RAB11FIP2: variants seen among roughly 807,000 people sequenced by gnomAD.
RAB11FIP2 encodes the protein rab11 family-interacting protein 2.
A neutral mutation model predicts 40.9 loss-of-function variants in RAB11FIP2; 16 were observed. The observed-to-expected ratio is 0.39, with a 90% CI of 0.26 to 0.59. RAB11FIP2 has a LOEUF of 0.59. Ranked by LOEUF, RAB11FIP2 falls within the 20% of genes least tolerant of loss-of-function variation. RAB11FIP2 has a pLI of 0.53. For missense variants in RAB11FIP2, 532 were observed against 606.2 expected, an observed-to-expected ratio of 0.88 and a Z score of 1.28; for synonymous variants, 228 against 213.7, an observed-to-expected ratio of 1.07 and a Z score of -0.58.
At chr10:118,013,962 T>C (rs1846185351) in intron 4 of RAB11FIP2, among the ~76,000 whole-genome samples, 1 of 152,130 alleles carries the variant, frequency 6.6e-6, no homozygotes, top group East Asian at 1.9e-4. Context: ...TTTTACTATC[T>C]GATCAAAGGC....
At chr10:118,034,141 C>T (rs866605518) in intron 3 of RAB11FIP2, 7 of 665,790 alleles carry the variant, frequency 1.1e-5, no homozygotes, top group Middle Eastern at 3.5e-4. Flanking sequence ...GACGATAATG[C>T]GGCTGTGTTC....
At chr10:118,016,219 T>C (rs1052542966) in intron 3 of RAB11FIP2, among the ~76,000 whole-genome samples, 1 of 152,198 alleles carries the variant, frequency 6.6e-6, no homozygotes, top group Non-Finnish European at 1.5e-5. Flanking sequence ...CCAGAAGTGA[T>C]TGTTCGCCTT....
intron 3 of RAB11FIP2, among the ~76,000 whole-genome samples, chr10:118,029,708 C>T (rs1846390351): frequency 6.6e-6 from 1 of 151,966 alleles, no homozygotes; most frequent in Admixed American, 6.6e-5. Context: ...CAGCAGGTAA[C>T]AGAATGAATC....
At chr10:118,016,250 G>A (rs1276446214) in intron 3 of RAB11FIP2, among the ~76,000 whole-genome samples, 2 of 152,194 alleles carry the variant, frequency 1.3e-5, no homozygotes, top group Non-Finnish European at 2.9e-5. Flanking sequence ...AACTCCTGAG[G>A]ATAAATTGAG....
intron 1 of RAB11FIP2, chr10:118,043,577 AG>A (rs1359826284): frequency 5.9e-5 from 9 of 152,198 alleles, no homozygotes; most frequent in African/African-American, 2.2e-4. Flanking sequence ...TAAGAAAATA[AG>A]TAAAGTAATA....
chr10:118,041,024 C>T (rs1846551600), intron 1 of RAB11FIP2, among the ~76,000 whole-genome samples: 2 of 151,796 alleles, frequency 1.3e-5, no homozygotes, highest in African/African-American at 4.8e-5. Context: ...CATTTTAATA[C>T]AATAATAAAT....
chr10:118,024,209 T>C (rs941797587), intron 3 of RAB11FIP2, among the ~76,000 whole-genome samples: 1 of 152,060 alleles, frequency 6.6e-6, no homozygotes, highest in African/African-American at 2.4e-5. Context: ...AAAACTAAGC[T>C]TCTCACCCTT....
rs184362892 is a variant in RAB11FIP2 at position 118,021,093 on chromosome 10, C to G, written c.1266-5983G>C. On this transcript the variant is annotated intron_variant, in intron 3 of 4. Coordinates refer to ENST00000355624, the MANE Select transcript of RAB11FIP2 (RefSeq NM_014904.3). Reference sequence around the variant, plus strand: ...CACCCTGCCTACACATACACACACACACAAACTCCTGGCCTTCATTTAACA... The same window carrying G: ...CACCCTGCCTACACATACACACACAGACAAACTCCTGGCCTTCATTTAACA... Among the ~76,000 whole-genome samples, 75 of 152,248 alleles carry G rather than the reference C, an allele frequency of 4.9e-4. 1 individual carries two copies. Among genetic ancestry groups the G allele is most frequent in the Admixed American group, 1.8e-3 (28 of 15,296 alleles).
chr10:118,044,238 C>A (rs573048599), intron 1 of RAB11FIP2, among the ~76,000 whole-genome samples: 9 of 152,238 alleles, frequency 5.9e-5, no homozygotes, highest in Non-Finnish European at 1.2e-4. Context: ...CCTACTTTCA[C>A]TAGGAAAATT....
At chr10:118,035,397 T>C (rs933923219) in intron 3 of RAB11FIP2, among the ~76,000 whole-genome samples, 4 of 152,156 alleles carry the variant, frequency 2.6e-5, no homozygotes, top group African/African-American at 9.7e-5. Flanking sequence ...TTTTTAACAA[T>C]GTTTAGTTGT....
In RAB11FIP2 at chr10:118,008,522, T is replaced by C. The variant is rs1846120793; in HGVS notation, c.*476A>G. The stretch of plus-strand genomic sequence containing the variant: ...TATACAAGATACATGAATATATATA[T>C]ATTCATGTACATATGTGTATATAAA... On this transcript the variant is annotated 3_prime_UTR_variant, in exon 5 of 5. Coordinates refer to ENST00000355624, the MANE Select transcript of RAB11FIP2 (RefSeq NM_014904.3). The C allele has an allele frequency of 6.2e-6, 1 of 162,076 alleles. No homozygotes were observed. Among genetic ancestry groups the C allele is most frequent in the African/African-American group, 2.4e-5 (1 of 41,480 alleles). The allele number at this position is 162,076 out of a possible 1,614,324, so 10.0% of individuals were successfully genotyped here.
intron 4 of RAB11FIP2, among the ~76,000 whole-genome samples, chr10:118,010,663 A>AT (rs1397954514): frequency 1.3e-5 from 2 of 152,254 alleles, no homozygotes; most frequent in African/African-American, 4.8e-5. Context: ...CTTCTCCAGG[A>AT]TAAGTGAAAA....
At chr10:118,017,783 A>G (rs1189614168) in intron 3 of RAB11FIP2, 1 of 152,232 alleles carries the variant, frequency 6.6e-6, no homozygotes, top group Non-Finnish European at 1.5e-5. Flanking sequence ...TGTCTCAGGA[A>G]AAAATCACTG....
chr10:118,029,793 T>A (rs1164543123), intron 3 of RAB11FIP2, among the ~76,000 whole-genome samples: 1 of 152,086 alleles, frequency 6.6e-6, no homozygotes, highest in East Asian at 1.9e-4. Context: ...GTTTGCTGAA[T>A]GTGGGAATTT....
At chr10:118,024,222 T>C (rs1846314815) in intron 3 of RAB11FIP2, among the ~76,000 whole-genome samples, 1 of 152,174 alleles carries the variant, frequency 6.6e-6, no homozygotes, top group African/African-American at 2.4e-5. Context: ...TCACCCTTTT[T>C]TCTCTTTAAT....
chr10:118,014,917 T>A (rs1846198024), intron 4 of RAB11FIP2, 148 bp downstream of exon 4: 2 of 611,234 alleles, frequency 3.3e-6, no homozygotes, highest in Non-Finnish European at 5.5e-6. Context: ...TTTTACTTTC[T>A]TTCTTTCTCC....
chr10:118,023,850 G>A (rs896350947), intron 3 of RAB11FIP2, among the ~76,000 whole-genome samples: 6 of 152,098 alleles, frequency 3.9e-5, no homozygotes, highest in Admixed American at 2.6e-4. Context: ...TCAGCACTCT[G>A]GGAGGAGGCA....
At chr10:118,015,626 T>A (rs952731808) in intron 3 of RAB11FIP2, among the ~76,000 whole-genome samples, 2 of 152,210 alleles carry the variant, frequency 1.3e-5, no homozygotes, top group Non-Finnish European at 2.9e-5. Flanking sequence ...GGGAAACATT[T>A]CTCTCGTTAA....
rs1207014261 is a variant in RAB11FIP2 at position 118,007,107 on chromosome 10, G to A, written c.*1891C>T. 6.8e-6 allele frequency: 1 copy of A among 148,080 alleles called. No individual in the cohort carries two copies. The highest frequency in any genetic ancestry group is 2.5e-5 in the African/African-American group (1 of 40,002). 9.2% of individuals were successfully genotyped at this position (148,080 alleles called of 1,614,324 possible). On this transcript the variant is annotated 3_prime_UTR_variant, in exon 5 of 5. Coordinates refer to ENST00000355624, the MANE Select transcript of RAB11FIP2 (RefSeq NM_014904.3). ...ATGAAAAGACTCAATAATACTACCA[G>A]ACAAAAACAAATGCTGAGAATTTTG...
Sources: allele counts gnomAD v4.1 joint callset (sites outside exome capture counted in the v4.1 genomes callset), GRCh38; gene constraint gnomAD v4.1.1; transcripts MANE v1.5; gene names NCBI Gene and HGNC (gene_info 2026-07-23, HGNC 2026-07-21).